The following LRSAM1 variants were observed in gnomAD, a reference collection of about 807,000 sequenced individuals.
LRSAM1 encodes the protein E3 ubiquitin-protein ligase LRSAM1.
Under a neutral mutation model 118.1 loss-of-function variants are expected in LRSAM1, and 96 were observed. The ratio of observed to expected loss-of-function variants is 0.81; its 90% confidence interval spans 0.69 to 0.96. The LOEUF is 0.96. Ranked by LOEUF, LRSAM1 falls within the 40% of genes least tolerant of loss-of-function variation. LRSAM1 has a pLI of 0.00. For synonymous variants in LRSAM1, 322 were observed against 364.2 expected (o/e 0.88, Z 1.32); for missense variants, 804 against 915.5 (o/e 0.88, Z 1.57).
intron 10 of LRSAM1, among the ~76,000 whole-genome samples, chr9:127,471,756 C>T (rs112428239): frequency 6.6e-6 from 1 of 151,384 alleles, no homozygotes; most frequent in African/African-American, 2.4e-5. Flanking sequence ...CACTGCACTC[C>T]AGCCTGGGCG....
chr9:127,471,413 G>T (rs983806539), intron 10 of LRSAM1, among the ~76,000 whole-genome samples: 1 of 144,138 alleles, frequency 6.9e-6, no homozygotes, highest in Non-Finnish European at 1.5e-5. Flanking sequence ...GGAGGTTGCA[G>T]TGAGCCAAGA....
In LRSAM1 at chr9:127,503,027, G is replaced by T. The variant is rs1321888744; in HGVS notation, c.*128G>T. On this transcript the variant is annotated 3_prime_UTR_variant, in exon 26 of 26. Transcript: ENST00000300417. ...CCCTGCCCTGGGCCCCTTCCCCACT[G>T]CCCAGGAGCCCCCATCCTAAGCTCC... 5.6e-6 allele frequency: 7 copies of T among 1,259,574 alleles called. No homozygotes were observed. Among genetic ancestry groups the T allele is most frequent in the African/African-American group, 1.5e-5 (1 of 67,306 alleles). 78.0% of individuals were successfully genotyped at this position (1,259,574 alleles called of 1,614,324 possible).
intron 18 of LRSAM1, among the ~76,000 whole-genome samples, chr9:127,488,755 AT>A (rs933735907): frequency 6.8e-6 from 1 of 147,228 alleles, no homozygotes; most frequent in Non-Finnish European, 1.5e-5. Context: ...TGCCCAGCTA[AT>A]TTTTTTTTAT....
intron 17 of LRSAM1, 63 bp downstream of exon 17, chr9:127,485,898 C>G (rs1018209923): frequency 1.3e-6 from 2 of 1,528,344 alleles, no homozygotes; most frequent in South Asian, 2.3e-5. Context: ...GGCCCAAGAC[C>G]GTGGGATGAG....
intron 11 of LRSAM1, among the ~76,000 whole-genome samples, chr9:127,476,464 C>T (rs781011389): frequency 1.9e-4 from 29 of 152,024 alleles, no homozygotes; most frequent in Middle Eastern, 3.2e-3. Context: ...GGGAGGATGG[C>T]TTAAGCCCAG....
Position 127,478,642 on chromosome 9 carries a change from C to T in LRSAM1, c.751-292C>T, listed in dbSNP as rs547723425. On this transcript the variant is annotated intron_variant, in intron 11 of 25. Coordinates refer to ENST00000300417, the MANE Select transcript of LRSAM1 (RefSeq NM_001005373.4). Reference sequence around the variant, plus strand: ...ATATCCCATTTCCTGCTCTGCTCTTCAGACCACCATCCCTGCTCAGGGCTG... The same window carrying T: ...ATATCCCATTTCCTGCTCTGCTCTTTAGACCACCATCCCTGCTCAGGGCTG... Among the ~76,000 whole-genome samples the T allele has an allele frequency of 2.2e-4, 33 of 152,316 alleles. 1 individual carries two copies. Among genetic ancestry groups the T allele is most frequent in the African/African-American group, 7.9e-4 (33 of 41,570 alleles).
chr9:127,487,352 A>G (rs1161428348), intron 17 of LRSAM1: 1 of 358,938 alleles, frequency 2.8e-6, no homozygotes, highest in Non-Finnish European at 5.5e-6. Flanking sequence ...GGGAGTCAGG[A>G]GCTCCCCACC....
intron 5 of LRSAM1, among the ~76,000 whole-genome samples, chr9:127,456,215 G>C (rs1834512036): frequency 6.8e-6 from 1 of 147,872 alleles, no homozygotes; most frequent in African/African-American, 2.5e-5. Context: ...TGAGCTCCTT[G>C]GCGCTGGAAG....
At chr9:127,492,691 T>C (rs1414849673) in intron 20 of LRSAM1, 111 bp from the exon 21 acceptor site, 6 of 966,784 alleles carry the variant, frequency 6.2e-6, no homozygotes, top group African/African-American at 3.2e-5. Flanking sequence ...CCTGGAGGCA[T>C]TGGGCAGAGA....
At chr9:127,484,064 G>T (rs1304117950) in intron 16 of LRSAM1, among the ~76,000 whole-genome samples, 1 of 152,024 alleles carries the variant, frequency 6.6e-6, no homozygotes, top group African/African-American at 2.4e-5. Flanking sequence ...ACTGTCCCTA[G>T]TAAACACTAA....
Position 127,465,723 on chromosome 9 carries a change from C to T in LRSAM1, c.529-2017C>T. 6.6e-6 allele frequency among the ~76,000 whole-genome samples: 1 copy of T among 152,196 alleles called. No homozygotes were observed. The highest frequency in any genetic ancestry group is 1.9e-4 in the East Asian group (1 of 5,200). ...GTGTTACAGCAAAATCAGAGCTTCC[C>T]AGGCCTTCTCCTTTTCCAGGACTCC... On this transcript the variant is annotated intron_variant, in intron 9 of 25. Transcript: ENST00000300417. This position sits in a 1 kb window ranked among gnomAD's most constrained non-coding sequence, Gnocchi z 4.1.
At chr9:127,491,383 G>A (rs1273948075) in intron 20 of LRSAM1, 88 bp downstream of exon 20, 4 of 1,027,700 alleles carry the variant, frequency 3.9e-6, no homozygotes, top group Non-Finnish European at 6.1e-6. Context: ...CTGCTCACCA[G>A]CCCCTGGGAG....
chr9:127,497,313 G>T lies in LRSAM1; in HGVS notation c.1891G>T (p.Asp631Tyr), dbSNP rs1445566383. ...EILRRVQELLDAARIQPELKP... is the reference protein window; with the variant it reads ...EILRRVQELLYAARIQPELKP... ...CCTCCGGAGAGTCCAGGAACTGCTG[G>T]ATGCAGCCAGGATCCAGCCAGGTAC... Residue 631 changes from aspartate to tyrosine, a missense_variant, in exon 24 of 26, where the codon GAT (aspartate) becomes TAT (tyrosine). Physicochemically the swap from Asp to Tyr is radical, Grantham distance 160 (BLOSUM62 -3). Coordinates refer to ENST00000300417, the MANE Select transcript of LRSAM1 (RefSeq NM_001005373.4). 1.2e-6 allele frequency: 2 copies of T among 1,612,682 alleles called. No individual in the cohort carries two copies. Among genetic ancestry groups the T allele is most frequent in the East Asian group, 4.5e-5 (2 of 44,872 alleles).
intron 24 of LRSAM1, among the ~76,000 whole-genome samples, chr9:127,497,557 C>T (rs113993098): frequency 8.5e-5 from 13 of 152,316 alleles, no homozygotes; most frequent in African/African-American, 2.6e-4. Context: ...GAGACCTCCA[C>T]GTAGCAGTGG....
intron 4 of LRSAM1, among the ~76,000 whole-genome samples, chr9:127,455,344 G>A (rs1351065463): frequency 1.1e-4 from 14 of 132,130 alleles, no homozygotes; most frequent in African/African-American, 3.9e-4. Flanking sequence ...TCACAATGGG[G>A]ACAGGGTGGG....
chr9:127,458,605 T>A lies in LRSAM1; in HGVS notation c.253-398T>A, dbSNP rs979078185. 8.9e-4 allele frequency among the ~76,000 whole-genome samples: 136 copies of A among 152,034 alleles called. 1 individual carries two copies. The highest frequency in any genetic ancestry group is 3.0e-3 in the African/African-American group (124 of 41,466). ...AAAATAAAACAAAATAAAATAAAAT[T>A]AAATTAAAAATTAGCAAGTACAGTT... On this transcript the variant is annotated intron_variant, in intron 6 of 25. Transcript: ENST00000300417.
rs368689811 is a variant in LRSAM1, at chr9:127,462,303, G to A, written c.458G>A (p.Arg153His). The A allele has an allele frequency of 1.2e-5, 19 of 1,614,040 alleles. No homozygotes were observed. The African/African-American group carries it at 1.7e-4, about 15-fold the overall frequency. ...PDTVGELRSL[R>H]TLNISGNEIQ... ...ACCGTGGGGGAGCTTCGAAGCCTGC[G>A]TACCCTCAACATCAGTGGAAACGAG... Residue 153 changes from arginine (R) to histidine (H), a missense_variant, in exon 9 of 26, where the codon CGT (arginine) becomes CAT (histidine). Arg to His is a conservative substitution (Grantham distance 29). Coordinates refer to ENST00000300417, the MANE Select transcript of LRSAM1 (RefSeq NM_001005373.4).
intron 18 of LRSAM1, 40 bp from the exon 19 acceptor site, chr9:127,489,404 G>A (rs758363472): frequency 1.9e-6 from 3 of 1,581,934 alleles, no homozygotes; most frequent in Non-Finnish European, 2.6e-6. Flanking sequence ...GGAAAAGTGT[G>A]GGCACGGCCC....
chr9:127,485,914 G>A (rs1019121583), intron 17 of LRSAM1, 79 bp downstream of exon 17: 1 of 1,418,378 alleles, frequency 7.1e-7, no homozygotes, highest in African/African-American at 1.4e-5. Context: ...ATGAGAGCTG[G>A]GCACTAAACC....
Sources: allele counts gnomAD v4.1 joint callset (sites outside exome capture counted in the v4.1 genomes callset), GRCh38; gene constraint gnomAD v4.1.1; non-coding constraint Gnocchi (gnomAD v3.1); transcripts MANE v1.5; gene names NCBI Gene and HGNC (gene_info 2026-07-23, HGNC 2026-07-21).